Variants in TMEM232 observed in about 807,000 individuals in gnomAD.
TMEM232 encodes transmembrane protein 232.
TMEM232 carries 80 observed loss-of-function variants against 78.8 expected under a neutral mutation model. The ratio of observed to expected loss-of-function variants is 1.01; its 90% CI spans 0.85 to 1.22. The LOEUF (loss-of-function observed/expected upper bound fraction) is 1.22. Ranked by LOEUF, TMEM232 falls within the 50% of genes most tolerant of loss-of-function variation. TMEM232 has a pLI of 0.00. For missense variants in TMEM232, 881 were observed against 742.2 expected (o/e 1.19, Z -2.17); for synonymous variants, 297 against 254.3 (o/e 1.17, Z -1.60).
intron 2 of TMEM232, among the ~76,000 whole-genome samples, chr5:110,649,627 T>G (rs1414072418): frequency 6.6e-6 from 1 of 152,294 alleles, no homozygotes; most frequent in Non-Finnish European, 1.5e-5. Context: ...GTTGTTTTGA[T>G]AATTGCATTT....
chr5:110,616,337 A>G (rs1416895578), intron 8 of TMEM232, among the ~76,000 whole-genome samples: 1 of 152,014 alleles, frequency 6.6e-6, no homozygotes, highest in Non-Finnish European at 1.5e-5. Flanking sequence ...TCTTCAATAC[A>G]TGGTATTGGG....
At chr5:110,655,351 A>G (rs1435424411) in intron 2 of TMEM232, among the ~76,000 whole-genome samples, 3 of 149,712 alleles carry the variant, frequency 2.0e-5, no homozygotes, top group East Asian at 1.9e-4. Context: ...CAAAACCACA[A>G]TGAGATACCA....
At chr5:110,716,167 T>C (rs1796990861) in intron 1 of TMEM232, among the ~76,000 whole-genome samples, 1 of 152,100 alleles carries the variant, frequency 6.6e-6, no homozygotes, top group African/African-American at 2.4e-5. Context: ...GACTGTGTCA[T>C]GGGCCATGGG....
chr5:110,590,536 A>G (rs893326030), intron 10 of TMEM232, among the ~76,000 whole-genome samples: 1 of 152,120 alleles, frequency 6.6e-6, no homozygotes, highest in Non-Finnish European at 1.5e-5. Flanking sequence ...GAGATGAAGC[A>G]GTTGCATCAA....
At chr5:110,601,386 T>C (rs1399118004) in intron 10 of TMEM232, among the ~76,000 whole-genome samples, 1 of 152,132 alleles carries the variant, frequency 6.6e-6, no homozygotes, top group African/African-American at 2.4e-5. Flanking sequence ...ATGACATGAT[T>C]GCATATTTAG....
At chr5:110,429,526 C>T (rs1286936535) in intron 12 of TMEM232, among the ~76,000 whole-genome samples, 1 of 151,782 alleles carries the variant, frequency 6.6e-6, no homozygotes, top group Non-Finnish European at 1.5e-5. Flanking sequence ...GCATAGGTTT[C>T]AGGCTTCTTT....
intron 12 of TMEM232, among the ~76,000 whole-genome samples, chr5:110,487,864 G>A (rs973457332): frequency 1.1e-4 from 17 of 152,014 alleles, no homozygotes; most frequent in East Asian, 3.9e-4. Context: ...GTGGAATAGC[G>A]TCAAAAGGAT....
At chr5:110,558,072 G>C (rs780349306) in intron 11 of TMEM232, among the ~76,000 whole-genome samples, 1 of 152,178 alleles carries the variant, frequency 6.6e-6, no homozygotes, top group Non-Finnish European at 1.5e-5. Context: ...GTACAGATCA[G>C]CAATTGTGGG....
intron 1 of TMEM232, among the ~76,000 whole-genome samples, chr5:110,692,685 A>G (rs1794278007): frequency 4.6e-5 from 7 of 152,226 alleles, no homozygotes; most frequent in Admixed American, 3.9e-4. Context: ...TCTTACACCC[A>G]TGGAGCATCG....
At chr5:110,721,667 G>GTATATATA (rs1277641654) in intron 1 of TMEM232, among the ~76,000 whole-genome samples, 406 of 10,452 alleles carry the variant, frequency 0.039, 28 homozygotes, top group African/African-American at 0.06. Flanking sequence ...GTGTGTGTGT[G>GTATATATA]TGTGTGTATA....
intron 12 of TMEM232, among the ~76,000 whole-genome samples, chr5:110,501,747 A>G (rs1766286405): frequency 1.3e-5 from 2 of 152,318 alleles, no homozygotes; most frequent in African/African-American, 2.4e-5. Context: ...CACTATGGAA[A>G]TAACCCCTAA....
At chr5:110,480,682 G>C (rs1447999980) in intron 12 of TMEM232, among the ~76,000 whole-genome samples, 1 of 152,046 alleles carries the variant, frequency 6.6e-6, no homozygotes, top group African/African-American at 2.4e-5. Flanking sequence ...AAAATGGCAG[G>C]CAGATTTCAA....
At chr5:110,460,536 A>T (rs563332746) in intron 12 of TMEM232, among the ~76,000 whole-genome samples, 83 of 152,316 alleles carry the variant, frequency 5.4e-4, no homozygotes, top group African/African-American at 1.8e-3. Context: ...CTTTTGCTTA[A>T]ATCAATTTTG....
chr5:110,499,665 A>G (rs779991430), intron 12 of TMEM232, among the ~76,000 whole-genome samples: 40 of 150,940 alleles, frequency 2.7e-4, no homozygotes, highest in Admixed American at 1.3e-4. Flanking sequence ...ATATATAAAG[A>G]TAAGCATTAA....
In TMEM232 at chr5:110,616,098, T is replaced by C. The variant is rs142950403; in HGVS notation, c.902+2331A>G. On this transcript the variant is annotated intron_variant, in intron 8 of 13. Coordinates refer to ENST00000455884, the MANE Select transcript of TMEM232 (RefSeq NM_001039763.4). ...TTAAAATTTGTATGAAACCACAAAA[T>C]TCCCTGAATATCCAAAGCAATCCTG... is the stretch of plus-strand genomic sequence containing the variant. 6.5e-3 allele frequency among the ~76,000 whole-genome samples: 989 copies of C among 152,016 alleles called. 19 individuals carry two copies. The highest frequency in any genetic ancestry group is 0.022 in the African/African-American group (915 of 41,512).
intron 1 of TMEM232, among the ~76,000 whole-genome samples, chr5:110,715,114 C>T (rs1443969191): frequency 1.3e-5 from 2 of 151,940 alleles, no homozygotes; most frequent in Non-Finnish European, 1.5e-5. Context: ...AAACAATATA[C>T]CTAAAATTTG....
chr5:110,529,668 A>T (rs527373288), intron 11 of TMEM232, among the ~76,000 whole-genome samples: 12 of 151,604 alleles, frequency 7.9e-5, no homozygotes, highest in African/African-American at 2.9e-4. Flanking sequence ...TTCTAAAATC[A>T]AAATGTAAAA....
At chr5:110,618,706 G>A in intron 7 of TMEM232, 144 bp from the exon 8 acceptor site, 1 of 894,948 alleles carries the variant, frequency 1.1e-6, no homozygotes, top group Non-Finnish European at 1.6e-6. Flanking sequence ...ACCAAGTGGA[G>A]CAATTTACAT....
chr5:110,567,282 ATTTTT>A (rs1776448703), intron 11 of TMEM232, among the ~76,000 whole-genome samples: 1 of 151,566 alleles, frequency 6.6e-6, no homozygotes, highest in African/African-American at 2.4e-5. Context: ...AATTATTTTT[ATTTTT>A]ATCTTAAAAA....
Sources: gnomAD v4.1 joint callset for allele counts (sites outside exome capture counted in the v4.1 genomes callset) on GRCh38, gnomAD v4.1.1 for gene constraint, MANE v1.5 for transcripts, NCBI Gene and HGNC (gene_info 2026-07-23, HGNC 2026-07-21) for gene names.